USO1: variants seen among roughly 807,000 people sequenced by gnomAD.
USO1 encodes general vesicular transport factor p115.
USO1 carries 57 observed loss-of-function variants against 124.5 expected under a neutral mutation model. The ratio of observed to expected loss-of-function variants is 0.46; its 90% CI spans 0.37 to 0.57. The LOEUF (loss-of-function observed/expected upper bound fraction) is 0.57, where lower values mean the gene tolerates loss of function less well. USO1 is among the 20% of genes least tolerant of loss of function. The pLI is 0.00. For missense variants in USO1, 900 were observed against 1,040.6 expected, an observed-to-expected ratio of 0.86 and a Z score of 1.86; for synonymous variants, 369 against 362.8, an observed-to-expected ratio of 1.02 and a Z score of -0.19.
chr4:75,811,871 C>T (rs1723160124), intron 22 of USO1, among the ~76,000 whole-genome samples: 2 of 151,978 alleles, frequency 1.3e-5, no homozygotes, highest in African/African-American at 4.8e-5. Context: ...CTTTGATTAT[C>T]TGAAATGGTA....
intron 10 of USO1, 22 bp downstream of exon 10, chr4:75,787,224 C>A: frequency 1.4e-6 from 2 of 1,460,866 alleles, no homozygotes; most frequent in South Asian, 1.5e-5. Flanking sequence ...GAAGTCAAAG[C>A]CAACTCTGTG....
chr4:75,759,331 C>T (rs1251489312), intron 4 of USO1, among the ~76,000 whole-genome samples: 13 of 138,270 alleles, frequency 9.4e-5, no homozygotes, highest in South Asian at 2.4e-4. Flanking sequence ...CGGTGGCTCG[C>T]GCCTGTAATC....
In USO1 at chr4:75,787,088, C is replaced by A; in HGVS notation, c.882C>A (p.Thr294=). 6.3e-7 allele frequency: 1 copy of A among 1,597,160 alleles called. No individual in the cohort carries two copies. The highest frequency in any genetic ancestry group is 1.1e-5 in the South Asian group (1 of 88,104). Reference sequence around the variant, plus strand: ...TTGTTCGTGTATTGGTATCTCCCACCAACCCTCCTGGTGCTACCAGTAGCT... The same window carrying A: ...TTGTTCGTGTATTGGTATCTCCCACAAACCCTCCTGGTGCTACCAGTAGCT... ...LQLVRVLVSP[T]NPPGATSSCQ... Residue 294 remains threonine (T), a synonymous_variant, in exon 10 of 24, where the codon ACC becomes ACA. Coordinates refer to ENST00000514213, the MANE Select transcript of USO1 (RefSeq NM_003715.4).
intron 1 of USO1, among the ~76,000 whole-genome samples, chr4:75,731,077 A>G (rs371911873): frequency 6.6e-6 from 1 of 152,192 alleles, no homozygotes; most frequent in Non-Finnish European, 1.5e-5. Context: ...ATGAAGCAGT[A>G]TATTACTTGG....
chr4:75,808,763 C>CTTTTGTTTTT (rs1723062269), intron 20 of USO1, among the ~76,000 whole-genome samples, 190 bp from the exon 21 acceptor site: 1 of 134,902 alleles, frequency 7.4e-6, no homozygotes, highest in Non-Finnish European at 1.6e-5. Context: ...CATGGGATTT[C>CTTTTGTTTTT]AGGAGGGAGC....
intron 1 of USO1, among the ~76,000 whole-genome samples, chr4:75,738,775 C>T (rs897074901): frequency 1.3e-5 from 2 of 152,004 alleles, no homozygotes; most frequent in African/African-American, 2.4e-5. Flanking sequence ...GTCACTGTGC[C>T]GGGCCAAGTA....
intron 13 of USO1, among the ~76,000 whole-genome samples, chr4:75,794,405 A>G (rs540446391): frequency 2.0e-5 from 3 of 152,316 alleles, no homozygotes; most frequent in African/African-American, 7.2e-5. Context: ...CATATAATTT[A>G]CCTAGTAAGA....
rs1408554330 is a variant in USO1, at chr4:75,724,856, G to T, written c.37G>T (p.Ala13Ser). 2.5e-6 allele frequency: 4 copies of T among 1,613,794 alleles called. No homozygotes were observed. The highest frequency in any genetic ancestry group is 1.3e-5 in the African/African-American group (1 of 75,032). Residue 13 changes from alanine to serine, a missense_variant, in exon 1 of 24, where the codon GCC becomes TCC. Around this residue, in one of 2 missense-constraint regions of USO1, gnomAD observed 538 missense variants for 681.6 expected, o/e 0.79. Coordinates refer to ENST00000514213, the MANE Select transcript of USO1 (RefSeq NM_003715.4). ...CCGCGGGGTAATGGGGGGTCAGAGT[G>T]CCGGACCCCAGCACACAGAAGCCGA... ...FLRGVMGGQS[A>S]GPQHTEAETI...
chr4:75,801,174 C>T lies in USO1; in HGVS notation c.1960C>T (p.His654Tyr). 1 of 1,608,578 alleles carries T rather than the reference C, an allele frequency of 6.2e-7. No individual in the cohort carries two copies. The highest frequency in any genetic ancestry group is 8.5e-7 in the Non-Finnish European group (1 of 1,178,036). Residue 654 changes from histidine (H) to tyrosine (Y), a missense_variant, in exon 17 of 24, where the codon CAC becomes TAC. Coordinates refer to ENST00000514213, the MANE Select transcript of USO1 (RefSeq NM_003715.4). ...AGAACAGCATGACAATATTGTGACT[C>T]ACTACAAAAATATGATTCGAGAGCA... ...TLEQHDNIVT[H>Y]YKNMIREQDL...
intron 1 of USO1, among the ~76,000 whole-genome samples, chr4:75,726,721 G>A (rs1050864576): frequency 1.9e-4 from 29 of 152,158 alleles, no homozygotes; most frequent in Non-Finnish European, 2.9e-5. Context: ...TTCCCACTTG[G>A]CAACAAGGCA....
intron 1 of USO1, among the ~76,000 whole-genome samples, chr4:75,728,180 A>AT (rs894793883): frequency 1.7e-4 from 26 of 150,878 alleles, no homozygotes; most frequent in African/African-American, 6.3e-4. Context: ...TACTTAAGGG[A>AT]TTTTTTCATA....
chr4:75,780,640 C>CTTT lies in USO1; in HGVS notation c.677-2017_677-2015dup, dbSNP rs71210204. Among the ~76,000 whole-genome samples the CTTT allele has an allele frequency of 8.0e-3, 474 of 59,184 alleles. 26 individuals carry two copies. The highest frequency in any genetic ancestry group is 0.022 in the African/African-American group (325 of 14,688). The allele number at this position is 59,184 out of a possible 152,430, so 38.8% of individuals were successfully genotyped here. A position where few individuals can be genotyped will look rare whatever the true frequency, so the allele number is the denominator to read the frequency against. On this transcript the variant is annotated intron_variant, in intron 8 of 23. Coordinates refer to ENST00000514213, the MANE Select transcript of USO1 (RefSeq NM_003715.4). ...CCCATGGATCAAGGATAAATTTTGA[C>CTTT]TTTTTTTTTTTTTTTTTTTTTTTTT...
intron 1 of USO1, among the ~76,000 whole-genome samples, chr4:75,739,587 G>A (rs1300509507): frequency 6.8e-6 from 1 of 147,064 alleles, no homozygotes; most frequent in Non-Finnish European, 1.5e-5. Flanking sequence ...GTTGCCCAGG[G>A]TGGAGTGCAG....
intron 17 of USO1, among the ~76,000 whole-genome samples, chr4:75,802,808 C>G (rs1308276417): frequency 1.6e-5 from 2 of 128,010 alleles, no homozygotes; most frequent in African/African-American, 3.0e-5. Flanking sequence ...AGTGGCTGAG[C>G]ACGGTGCCTC....
At position 75,778,298 on chromosome 4, in the gene USO1, C is replaced by T. The variant is rs530177772; in HGVS notation, c.676+3502C>T. On this transcript the variant is annotated intron_variant, in intron 8 of 23. Transcript: ENST00000514213. The stretch of plus-strand genomic sequence containing the variant: ...GTATGTATTATATACTCGATTTTTA[C>T]AGTAAAATAAGGTAGAAAAAAGAAA... Among the ~76,000 whole-genome samples, 4 of 152,080 alleles carry T rather than the reference C, an allele frequency of 2.6e-5. No individual in the cohort carries two copies. In the East Asian group the frequency reaches 7.7e-4, roughly 29 times the overall value.
At chr4:75,781,233 A>G (rs1441203328) in intron 8 of USO1, among the ~76,000 whole-genome samples, 2 of 152,208 alleles carry the variant, frequency 1.3e-5, no homozygotes, top group Non-Finnish European at 2.9e-5. Flanking sequence ...TAACAGGAGA[A>G]TTAGAAGTGG....
intron 1 of USO1, among the ~76,000 whole-genome samples, chr4:75,748,479 G>A (rs779949418): frequency 7.2e-5 from 11 of 152,112 alleles, no homozygotes; most frequent in Non-Finnish European, 1.3e-4. Context: ...ATGAGCCACC[G>A]CGCCTGGCCA....
chr4:75,752,311 A>G (rs1230968704), intron 1 of USO1, 62 bp from the exon 2 acceptor site: 3 of 397,170 alleles, frequency 7.6e-6, no homozygotes, highest in African/African-American at 2.1e-5. Context: ...GCATAAATTT[A>G]GGGGACAAAA....
At chr4:75,765,469 T>C (rs1721744628) in intron 4 of USO1, among the ~76,000 whole-genome samples, 2 of 152,170 alleles carry the variant, frequency 1.3e-5, no homozygotes, top group Admixed American at 6.5e-5. Context: ...GAATCAGGAC[T>C]TCTGTTCATA....
Sources: allele counts gnomAD v4.1 joint callset (sites outside exome capture counted in the v4.1 genomes callset), GRCh38; gene constraint gnomAD v4.1.1; regional missense constraint gnomAD v4.1.1; transcripts MANE v1.5; gene names NCBI Gene and HGNC (gene_info 2026-07-23, HGNC 2026-07-21).